The following GALNTL6 variants were observed in gnomAD, a reference collection of about 807,000 sequenced individuals.
The protein encoded by GALNTL6 is polypeptide N-acetylgalactosaminyltransferase like 6.
In GALNTL6, 46 loss-of-function variants were observed where a neutral mutation model predicts 73.7. The observed-to-expected ratio is 0.62, with a 90% CI of 0.49 to 0.80. The LOEUF is 0.80. Ranked by LOEUF, GALNTL6 falls within the 30% of genes least tolerant of loss-of-function variation. The pLI, the probability that GALNTL6 is intolerant of heterozygous loss-of-function variation, is 0.00. For synonymous variants in GALNTL6, 259 were observed against 263.7 expected (o/e 0.98, Z 0.17); for missense variants, 604 against 755.0 (o/e 0.80, Z 2.34).
At chr4:172,122,888 TC>T (rs905044286) in intron 2 of GALNTL6, among the ~76,000 whole-genome samples, 7 of 151,430 alleles carry the variant, frequency 4.6e-5, no homozygotes, top group African/African-American at 1.4e-4. Flanking sequence ...ACTGGAGAAA[TC>T]CAGAAGAATT....
chr4:172,369,336 C>G (rs1173850416), intron 5 of GALNTL6, among the ~76,000 whole-genome samples: 1 of 152,220 alleles, frequency 6.6e-6, no homozygotes, highest in Non-Finnish European at 1.5e-5. Flanking sequence ...ACACAGAGTG[C>G]TGATTGGTGC....
At chr4:172,888,542 A>G (rs1182579545) in intron 8 of GALNTL6, among the ~76,000 whole-genome samples, 1 of 152,016 alleles carries the variant, frequency 6.6e-6, no homozygotes, top group Non-Finnish European at 1.5e-5. Flanking sequence ...ATTTTTGTCA[A>G]CTTTGTAGAA....
At chr4:172,606,016 C>T (rs1037125249) in intron 5 of GALNTL6, among the ~76,000 whole-genome samples, 2 of 152,032 alleles carry the variant, frequency 1.3e-5, no homozygotes, top group African/African-American at 4.8e-5. Flanking sequence ...ATGTGGGCCC[C>T]CAGTCCATTG....
chr4:171,867,754 G>T (rs1736008421), intron 2 of GALNTL6, among the ~76,000 whole-genome samples: 1 of 152,216 alleles, frequency 6.6e-6, no homozygotes, highest in Non-Finnish European at 1.5e-5. Flanking sequence ...TTAAGACAGT[G>T]TTGGCATTAA....
intron 10 of GALNTL6, among the ~76,000 whole-genome samples, chr4:173,008,742 C>T (rs1191100997): frequency 6.6e-6 from 1 of 152,158 alleles, no homozygotes; most frequent in East Asian, 1.9e-4. Context: ...TCCATTTCCT[C>T]TGTGAGGGTC....
chr4:172,754,999 C>A lies in GALNTL6; in HGVS notation c.554-54362C>A, dbSNP rs147742356. Among the ~76,000 whole-genome samples, 201 of 152,212 alleles carry A rather than the reference C, an allele frequency of 1.3e-3. 1 individual carries two copies. The highest frequency in any genetic ancestry group is 4.6e-3 in the African/African-American group (192 of 41,520). ...ACATAAAAACTACCAATTGCCCACC[C>A]AGATTTTATAAAAAGTAATGCTTGA... On this transcript the variant is annotated intron_variant, in intron 5 of 12. Transcript: ENST00000506823.
intron 2 of GALNTL6, among the ~76,000 whole-genome samples, chr4:171,973,338 A>G (rs1739626539): frequency 6.6e-6 from 1 of 152,214 alleles, no homozygotes; most frequent in African/African-American, 2.4e-5. Context: ...GTATTTTCTC[A>G]GGGTTCTGCA....
At chr4:171,883,922 C>T (rs1000955026) in intron 2 of GALNTL6, among the ~76,000 whole-genome samples, 14 of 152,144 alleles carry the variant, frequency 9.2e-5, no homozygotes, top group African/African-American at 3.4e-4. Flanking sequence ...GCTGGGATTA[C>T]AGGCGTGAGC....
chr4:172,616,532 CTTTTTTTT>C (rs56070364), intron 5 of GALNTL6, among the ~76,000 whole-genome samples: 2 of 117,416 alleles, frequency 1.7e-5, no homozygotes, highest in African/African-American at 3.3e-5. Context: ...AATCCATACT[CTTTTTTTT>C]TTTTTTTTTG....
intron 5 of GALNTL6, among the ~76,000 whole-genome samples, chr4:172,482,269 G>A (rs994935020): frequency 2.0e-5 from 3 of 152,180 alleles, no homozygotes; most frequent in East Asian, 1.9e-4. Context: ...ACACCTCCCC[G>A]CAAGCAGAGG....
At chr4:172,709,418 A>G (rs576146292) in intron 5 of GALNTL6, among the ~76,000 whole-genome samples, 2 of 152,360 alleles carry the variant, frequency 1.3e-5, no homozygotes, top group African/African-American at 4.8e-5. Flanking sequence ...GCTTTGAAAG[A>G]AAGATTTTCA....
chr4:172,006,480 T>C (rs1740846615), intron 2 of GALNTL6, among the ~76,000 whole-genome samples: 1 of 151,808 alleles, frequency 6.6e-6, no homozygotes. Flanking sequence ...AATAGAAAGC[T>C]AGCCAAGGTG....
chr4:172,971,444 T>C (rs527927588), intron 10 of GALNTL6, among the ~76,000 whole-genome samples: 2 of 152,334 alleles, frequency 1.3e-5, no homozygotes, highest in South Asian at 2.1e-4. Context: ...TTGCAGGCTC[T>C]GGTAGAAATT....
intron 7 of GALNTL6, among the ~76,000 whole-genome samples, chr4:172,862,489 G>A (rs1744445919): frequency 6.6e-6 from 1 of 152,174 alleles, no homozygotes; most frequent in South Asian, 2.1e-4. Flanking sequence ...ACAAGGTCAG[G>A]AGTTCAAGAC....
In GALNTL6 at chr4:172,528,963, A is replaced by ATATATATATG. The variant is rs1350827830; in HGVS notation, c.553+180275_553+180276insATATATATGT. Among the ~76,000 whole-genome samples the ATATATATATG allele has an allele frequency of 7.6e-4, 23 of 30,198 alleles. 4 individuals carry two copies. Among genetic ancestry groups the ATATATATATG allele is most frequent in the Non-Finnish European group, 1.8e-3 (21 of 11,774 alleles). 19.8% of individuals were successfully genotyped at this position (30,198 alleles called of 152,430 possible). A position where few individuals can be genotyped will look rare whatever the true frequency, so the allele number is the denominator to read the frequency against. ...TGTTTTCCCAAAGGCATATATATAT[A>ATATATATATG]TGTGTGTGTATATTTATACATATGT... is the stretch of plus-strand genomic sequence containing the variant. On this transcript the variant is annotated intron_variant, in intron 5 of 12. Transcript: ENST00000506823.
At chr4:172,769,931 C>A (rs1738664042) in intron 5 of GALNTL6, among the ~76,000 whole-genome samples, 1 of 152,138 alleles carries the variant, frequency 6.6e-6, no homozygotes, top group African/African-American at 2.4e-5. Flanking sequence ...AGCTTTCTTA[C>A]CTGCATAATG....
chr4:172,653,054 A>G (rs1315855184), intron 5 of GALNTL6, among the ~76,000 whole-genome samples: 1 of 151,838 alleles, frequency 6.6e-6, no homozygotes, highest in Non-Finnish European at 1.5e-5. Flanking sequence ...CCTGCTCATC[A>G]AAGATCAAAA....
intron 2 of GALNTL6, among the ~76,000 whole-genome samples, chr4:172,166,333 A>G (rs1241502565): frequency 2.6e-5 from 4 of 151,750 alleles, no homozygotes; most frequent in Non-Finnish European, 5.9e-5. Flanking sequence ...GTAATCCCAG[A>G]TACTCTGGAG....
At chr4:172,611,653 G>T (rs1738530657) in intron 5 of GALNTL6, among the ~76,000 whole-genome samples, 1 of 151,928 alleles carries the variant, frequency 6.6e-6, no homozygotes, top group Non-Finnish European at 1.5e-5. Context: ...GTATCCTGAG[G>T]CTGGTCATCT....
Sources: allele counts gnomAD v4.1 joint callset (sites outside exome capture counted in the v4.1 genomes callset), GRCh38; gene constraint gnomAD v4.1.1; transcripts MANE v1.5; gene names NCBI Gene and HGNC (gene_info 2026-07-23, HGNC 2026-07-21).